HS3ST4: variants seen among roughly 807,000 people sequenced by gnomAD.
HS3ST4 encodes heparan sulfate-glucosamine 3-sulfotransferase 4.
Under a neutral mutation model 29.2 loss-of-function variants are expected in HS3ST4, and 17 were observed. The ratio of observed to expected loss-of-function variants is 0.58; its 90% CI spans 0.40 to 0.87. The LOEUF is 0.87. HS3ST4 is among the 40% of genes least tolerant of loss of function. The probability of loss-of-function intolerance (pLI) is 0.00; values close to 1 mark genes in which losing one functional copy is unlikely to be tolerated. For missense variants in HS3ST4, 627 were observed against 634.5 expected, an observed-to-expected ratio of 0.99 and a Z score of 0.13; for synonymous variants, 314 against 285.7, an observed-to-expected ratio of 1.10 and a Z score of -1.00.
chr16:25,896,070 A>G (rs1968060799), intron 1 of HS3ST4, among the ~76,000 whole-genome samples: 1 of 152,054 alleles, frequency 6.6e-6, no homozygotes, highest in African/African-American at 2.4e-5. Context: ...CCCACCCTTG[A>G]CCAACAGAAT....
At chr16:25,927,540 G>A (rs1203205115) in intron 1 of HS3ST4, among the ~76,000 whole-genome samples, 2 of 152,184 alleles carry the variant, frequency 1.3e-5, no homozygotes, top group African/African-American at 4.8e-5. Context: ...TCATGCTCAA[G>A]AAACTTAAAT....
rs899881812 is a variant in HS3ST4 at position 25,761,752 on chromosome 16, C to T, written c.734+68601C>T. On this transcript the variant is annotated intron_variant, in intron 1 of 1. Transcript: ENST00000331351. ...CTCTGCTCTGACACCTCTATTGTGC[C>T]CCACGGGCATAATAATCATGATCTG... 3.9e-5 allele frequency among the ~76,000 whole-genome samples: 6 copies of T among 152,172 alleles called. No homozygotes were observed. In the East Asian group the frequency reaches 5.8e-4, roughly 15 times the overall value.
chr16:26,018,861 A>C (rs777837937), intron 1 of HS3ST4, among the ~76,000 whole-genome samples: 2 of 152,030 alleles, frequency 1.3e-5, no homozygotes, highest in Admixed American at 6.5e-5. Flanking sequence ...CTACCAAACA[A>C]AACAAAACAA....
chr16:25,731,046 C>T (rs757498504), intron 1 of HS3ST4, among the ~76,000 whole-genome samples: 9 of 152,180 alleles, frequency 5.9e-5, no homozygotes, highest in Admixed American at 1.3e-4. Context: ...ACCTAGGCAG[C>T]GCTTGATCCT....
At chr16:25,878,289 C>T (rs774120981) in intron 1 of HS3ST4, among the ~76,000 whole-genome samples, 9 of 152,052 alleles carry the variant, frequency 5.9e-5, no homozygotes, top group Non-Finnish European at 7.4e-5. Flanking sequence ...TTGGCAAGAG[C>T]GATCTTCCAG....
At chr16:26,026,607 G>A (rs930032198) in intron 1 of HS3ST4, among the ~76,000 whole-genome samples, 2 of 152,126 alleles carry the variant, frequency 1.3e-5, no homozygotes, top group African/African-American at 4.8e-5. Flanking sequence ...GGAAAAACAA[G>A]ATATGACATC....
In HS3ST4 at chr16:26,132,321, G is replaced by A. The variant is rs116405493; in HGVS notation, c.735-3291G>A. The stretch of plus-strand genomic sequence containing the variant: ...CTGACAAAATAACTGGATAACTCAT[G>A]CCACATTGGTTGAATCATGGCTCAA... On this transcript the variant is annotated intron_variant, in intron 1 of 1. Transcript: ENST00000331351. Among the ~76,000 whole-genome samples, 1,442 of 152,242 alleles carry A rather than the reference G, an allele frequency of 9.5e-3. 17 individuals are homozygous for A. Among genetic ancestry groups the A allele is most frequent in the African/African-American group, 0.033 (1,361 of 41,548 alleles).
chr16:26,014,330 T>C (rs1287023183), intron 1 of HS3ST4, among the ~76,000 whole-genome samples: 1 of 152,220 alleles, frequency 6.6e-6, no homozygotes, highest in East Asian at 1.9e-4. Flanking sequence ...CATTTTACTT[T>C]ATTTATTTTT....
At chr16:25,785,170 G>A (rs1966856249) in intron 1 of HS3ST4, among the ~76,000 whole-genome samples, 1 of 152,142 alleles carries the variant, frequency 6.6e-6, no homozygotes, top group African/African-American at 2.4e-5. Flanking sequence ...TCAAAATATT[G>A]CTTCTCACAG....
intron 1 of HS3ST4, among the ~76,000 whole-genome samples, chr16:26,049,069 G>T (rs943252918): frequency 4.6e-5 from 7 of 151,850 alleles, no homozygotes; most frequent in African/African-American, 1.7e-4. Flanking sequence ...TTTTATGATT[G>T]CCTTTTATTT....
chr16:25,940,552 C>G (rs2141691984), intron 1 of HS3ST4, among the ~76,000 whole-genome samples: 1 of 152,270 alleles, frequency 6.6e-6, no homozygotes, highest in Middle Eastern at 3.4e-3. Context: ...ATGCTGAGAG[C>G]TGGGAGAGCT....
chr16:25,888,064 T>C (rs1268933167), intron 1 of HS3ST4, among the ~76,000 whole-genome samples: 1 of 152,176 alleles, frequency 6.6e-6, no homozygotes, highest in African/African-American at 2.4e-5. Flanking sequence ...ATAATATGCC[T>C]GTATGTTGTT....
intron 1 of HS3ST4, among the ~76,000 whole-genome samples, chr16:25,760,581 G>C (rs1282988554): frequency 1.3e-5 from 2 of 152,006 alleles, no homozygotes; most frequent in Non-Finnish European, 2.9e-5. Context: ...ACCACACCTA[G>C]CTAATTTTTG....
At position 25,692,440 on chromosome 16, in the gene HS3ST4, C is replaced by T; in HGVS notation, c.23C>T (p.Pro8Leu). The change falls in exon 1 of 2, where the codon CCT (proline) becomes CTT (leucine). Residue 8 changes from proline to leucine, a missense_variant. This residue lies in a region of HS3ST4 where 402 missense variants were observed against 340.8 expected (regional missense o/e 1.18). Coordinates refer to ENST00000331351, the MANE Select transcript of HS3ST4 (RefSeq NM_006040.3). MARWPAP[P>L]PPPPPPPPLA... ...GCGATGGCCCGGTGGCCCGCACCTC[C>T]TCCGCCTCCGCCTCCGCCTCCACCT... 1 of 1,222,626 alleles carries T rather than the reference C, an allele frequency of 8.2e-7. No homozygotes were observed. The highest frequency in any genetic ancestry group is 1.0e-6 in the Non-Finnish European group (1 of 967,556). 75.7% of individuals were successfully genotyped at this position (1,222,626 alleles called of 1,614,324 possible). A position where few individuals can be genotyped will look rare whatever the true frequency, so the allele number is the denominator to read the frequency against.
chr16:26,011,982 G>C (rs1969315365), intron 1 of HS3ST4, among the ~76,000 whole-genome samples: 1 of 152,298 alleles, frequency 6.6e-6, no homozygotes. Flanking sequence ...TTCTGGAAAA[G>C]ATTGAGAGGA....
At chr16:25,751,885 A>G (rs1357951662) in intron 1 of HS3ST4, among the ~76,000 whole-genome samples, 1 of 152,186 alleles carries the variant, frequency 6.6e-6, no homozygotes, top group Non-Finnish European at 1.5e-5. Flanking sequence ...ACCACAGTGG[A>G]TGAAAGGAGG....
At chr16:25,899,583 GCAAC>G (rs1316892149) in intron 1 of HS3ST4, among the ~76,000 whole-genome samples, 1 of 151,954 alleles carries the variant, frequency 6.6e-6, no homozygotes, top group African/African-American at 2.4e-5. Flanking sequence ...TCAGCTCACT[GCAAC>G]CTCTGCCGTA....
chr16:26,121,987 G>A (rs773660194), intron 1 of HS3ST4, among the ~76,000 whole-genome samples: 1 of 152,168 alleles, frequency 6.6e-6, no homozygotes, highest in Non-Finnish European at 1.5e-5. Flanking sequence ...GAACCCTGAA[G>A]TGAGACGTTG....
intron 1 of HS3ST4, among the ~76,000 whole-genome samples, chr16:25,820,883 A>T (rs1441344019): frequency 3.3e-5 from 5 of 152,010 alleles, no homozygotes; most frequent in South Asian, 2.1e-4. Flanking sequence ...CTATTTTTTT[A>T]AAATTCATTT....
Sources: gnomAD v4.1 joint callset for allele counts (sites outside exome capture counted in the v4.1 genomes callset) on GRCh38, gnomAD v4.1.1 for gene constraint, gnomAD v4.1.1 regional missense constraint, MANE v1.5 for transcripts, NCBI Gene and HGNC (gene_info 2026-07-23, HGNC 2026-07-21) for gene names.